Variants in TMPRSS3 observed in about 807,000 individuals in gnomAD.
The protein encoded by TMPRSS3 is transmembrane protease serine 3.
TMPRSS3 carries 55 observed loss-of-function variants against 59.6 expected under a neutral mutation model. The ratio of observed to expected loss-of-function variants is 0.92; its 90% confidence interval spans 0.74 to 1.16. The LOEUF is 1.16. Among genes scored for constraint, TMPRSS3 ranks in the 50% most tolerant of loss-of-function variants. The pLI is 0.00. For missense variants in TMPRSS3, 596 were observed against 579.4 expected (o/e 1.03, Z -0.29); for synonymous variants, 257 against 237.7 (o/e 1.08, Z -0.75).
intron 10 of TMPRSS3, among the ~76,000 whole-genome samples, chr21:42,377,865 G>A (rs539551254): frequency 6.6e-6 from 1 of 152,372 alleles, no homozygotes; most frequent in East Asian, 1.9e-4. Flanking sequence ...ATCAGGACAG[G>A]GGCTCGTCGG....
chr21:42,377,358 G>A (rs1197650121), intron 10 of TMPRSS3, among the ~76,000 whole-genome samples: 8 of 152,156 alleles, frequency 5.3e-5, no homozygotes, highest in Non-Finnish European at 7.4e-5. Context: ...TTGCTGCCCC[G>A]GAAGACCAAG....
intron 3 of TMPRSS3, 149 bp from the exon 4 acceptor site, chr21:42,389,194 C>A (rs1235582565): frequency 6.0e-6 from 9 of 1,497,534 alleles, no homozygotes; most frequent in African/African-American, 1.4e-5. Context: ...CTGTTTCCTG[C>A]AGCCCAGTTT....
chr21:42,376,515 C>T (rs978383411), intron 11 of TMPRSS3, 26 bp downstream of exon 11: 2 of 1,611,972 alleles, frequency 1.2e-6, no homozygotes, highest in Non-Finnish European at 1.7e-6. Context: ...CCTGCCACGG[C>T]CTCGCCCACC....
At chr21:42,383,318 C>G in intron 7 of TMPRSS3, 120 bp from the exon 8 acceptor site, 2 of 1,104,638 alleles carry the variant, frequency 1.8e-6, no homozygotes, top group Non-Finnish European at 2.7e-6. Flanking sequence ...CCAGAGCTCA[C>G]AGCAGCTCTA....
chr21:42,389,354 C>T (rs1001686154), intron 3 of TMPRSS3, among the ~76,000 whole-genome samples: 1 of 152,216 alleles, frequency 6.6e-6, no homozygotes, highest in African/African-American at 2.4e-5. Context: ...ACCTGCTGAG[C>T]CAGCCGAGCA....
At chr21:42,389,113 C>G in intron 3 of TMPRSS3, 68 bp from the exon 4 acceptor site, 1 of 1,605,578 alleles carries the variant, frequency 6.2e-7, no homozygotes, top group Non-Finnish European at 8.5e-7. Flanking sequence ...ACAACTGTCC[C>G]CCTGCCACAC....
Position 42,388,210 on chromosome 21 carries a change from G to A in TMPRSS3, c.446+193C>T, listed in dbSNP as rs1168591020. ...GCCACTTCCCATGTGCCTTGAGCAA[G>A]TCACTTAGCCTGTCTGGCCTTGGTT... On this transcript the variant is annotated intron_variant, in intron 5 of 12. Coordinates refer to ENST00000644384, the MANE Select transcript of TMPRSS3 (RefSeq NM_001256317.3). This position sits in a 1 kb window ranked among gnomAD's most constrained non-coding sequence, Gnocchi z 5.1. Among the ~76,000 whole-genome samples the A allele has an allele frequency of 6.6e-6, 1 of 152,246 alleles. No homozygotes were observed. The highest frequency in any genetic ancestry group is 6.5e-5 in the Admixed American group (1 of 15,288).
intron 2 of TMPRSS3, 96 bp downstream of exon 2, chr21:42,395,227 TG>T (rs2146461262): frequency 9.7e-7 from 1 of 1,031,210 alleles, no homozygotes; most frequent in Non-Finnish European, 1.5e-6. Flanking sequence ...TCAGAATGGC[TG>T]GGGAGATATT....
At chr21:42,390,403 C>T (rs1245666556) in intron 2 of TMPRSS3, 2 of 285,704 alleles carry the variant, frequency 7.0e-6, no homozygotes, top group Non-Finnish European at 1.4e-5. Context: ...TAGGGTGGGC[C>T]CTAATCCAAC....
intron 10 of TMPRSS3, among the ~76,000 whole-genome samples, chr21:42,377,760 G>A (rs552303452): frequency 2.6e-5 from 4 of 152,308 alleles, no homozygotes; most frequent in African/African-American, 7.2e-5. Flanking sequence ...GGAGCACATG[G>A]TATCACAAGA....
rs753210194 is a variant in TMPRSS3, at chr21:42,380,102, C to T, written c.1048+15G>A. 1.1e-5 allele frequency: 18 copies of T among 1,610,276 alleles called. 1 individual carries two copies. ...TGAGCCCCTGGACTCCGAATCTTGG[C>T]TTCAGCCCACTGACCTCCATCCTCT... is the stretch of plus-strand genomic sequence containing the variant. On this transcript the variant is annotated intron_variant, in intron 10 of 12. Coordinates refer to ENST00000644384, the MANE Select transcript of TMPRSS3 (RefSeq NM_001256317.3).
At chr21:42,376,752 T>G (rs1253008934) in intron 10 of TMPRSS3, 69 bp from the exon 11 acceptor site, 1 of 1,609,736 alleles carries the variant, frequency 6.2e-7, no homozygotes, top group African/African-American at 1.3e-5. Context: ...AGGCGCATGC[T>G]GAGACCAGGG....
Position 42,396,028 on chromosome 21 carries a change from T to G in TMPRSS3, c.-138A>C, listed in dbSNP as rs748920724. On this transcript the variant is annotated 5_prime_UTR_variant, in exon 1 of 13. Coordinates refer to ENST00000644384, the MANE Select transcript of TMPRSS3 (RefSeq NM_001256317.3). ...ACTGGCTTCCCATAAACACAGCCCT[T>G]TCCTGGCTCACACGGGCATGACCTA... 1 of 518,984 alleles carries G rather than the reference T, an allele frequency of 1.9e-6. No homozygotes were observed. The highest frequency in any genetic ancestry group is 3.8e-6 in the Non-Finnish European group (1 of 259,864). 32.1% of individuals were successfully genotyped at this position (518,984 alleles called of 1,614,324 possible).
chr21:42,395,318 A>G lies in TMPRSS3; in HGVS notation c.94+6T>C. 6.2e-7 allele frequency: 1 copy of G among 1,612,882 alleles called. No individual in the cohort carries two copies. Among genetic ancestry groups the G allele is most frequent in the Non-Finnish European group, 8.5e-7 (1 of 1,179,300 alleles). Reference sequence around the variant, plus strand: ...AATCACAGAGTCCTCACCTGGGTCCACTTACCTGGTGCAACAGGACTTATT... The same window carrying G: ...AATCACAGAGTCCTCACCTGGGTCCGCTTACCTGGTGCAACAGGACTTATT... On this transcript the variant is annotated splice_donor_region_variant and intron_variant, in intron 2 of 12. Coordinates refer to ENST00000644384, the MANE Select transcript of TMPRSS3 (RefSeq NM_001256317.3).
In TMPRSS3 at chr21:42,380,209, A is replaced by T; in HGVS notation, c.956T>A (p.Met319Lys). 1 of 1,613,506 alleles carries T rather than the reference A, an allele frequency of 6.2e-7. No homozygotes were observed. Among genetic ancestry groups the T allele is most frequent in the Non-Finnish European group, 8.5e-7 (1 of 1,179,554 alleles). The change falls in exon 10 of 13, where the codon ATG becomes AAG. Residue 319 changes from methionine to lysine, a missense_variant. Transcript: ENST00000644384. ...GTTGGGCAGGCACACAGGCTGGATC[A>T]TTTCTGCTTGAAGGGAAACAATAGT... ...KLAGPLTFNE[M>K]IQPVCLPNSE...
In TMPRSS3 at chr21:42,390,161, G is replaced by A. The variant is rs1051959510; in HGVS notation, c.95-124C>T. ...CAGAGAAGTCTCAGCCCAAAGAAAG[G>A]TGCCTTAATTAGGGAAAGGGCCACC... On this transcript the variant is annotated intron_variant, in intron 2 of 12. Coordinates refer to ENST00000644384, the MANE Select transcript of TMPRSS3 (RefSeq NM_001256317.3). The A allele has an allele frequency of 8.6e-6, 7 of 812,680 alleles. No individual in the cohort carries two copies. In the African/African-American group the frequency reaches 1.0e-4, roughly 12 times the overall value. The allele number at this position is 812,680 out of a possible 1,614,324, so 50.3% of individuals were successfully genotyped here. A position where few individuals can be genotyped will look rare whatever the true frequency, so the allele number is the denominator to read the frequency against.
At chr21:42,384,908 T>C (rs1057047470) in intron 6 of TMPRSS3, among the ~76,000 whole-genome samples, 10 of 151,608 alleles carry the variant, frequency 6.6e-5, no homozygotes, top group African/African-American at 2.2e-4. Context: ...ACACCTGGTT[T>C]TACCTTCCCC....
intron 10 of TMPRSS3, among the ~76,000 whole-genome samples, chr21:42,378,875 T>C (rs2052473266): frequency 9.2e-6 from 1 of 109,260 alleles, no homozygotes; most frequent in South Asian, 3.9e-4. Context: ...CTAATTTTTG[T>C]TTGTTTGTTT....
At chr21:42,379,403 T>C (rs2052481851) in intron 10 of TMPRSS3, among the ~76,000 whole-genome samples, 1 of 152,124 alleles carries the variant, frequency 6.6e-6, no homozygotes, top group South Asian at 2.1e-4. Flanking sequence ...CCTCAAGGGA[T>C]CCCATAGACT....
Sources: gnomAD v4.1 joint callset for allele counts (sites outside exome capture counted in the v4.1 genomes callset) on GRCh38, gnomAD v4.1.1 for gene constraint, Gnocchi (gnomAD v3.1) non-coding constraint, MANE v1.5 for transcripts, NCBI Gene and HGNC (gene_info 2026-07-23, HGNC 2026-07-21) for gene names.